CACNA1C: variants seen among roughly 807,000 people sequenced by gnomAD.
The protein encoded by CACNA1C is calcium voltage-gated channel subunit alpha1 C.
A neutral mutation model predicts 229.0 loss-of-function variants in CACNA1C; 30 were observed. That is an observed-to-expected ratio of 0.13 (90% CI 0.10 to 0.18). CACNA1C has a LOEUF of 0.18. CACNA1C is among the 10% of genes least tolerant of loss of function. CACNA1C has a pLI of 1.00. For missense variants in CACNA1C, 1,658 were observed against 2,845.0 expected (o/e 0.58, Z 9.49); for synonymous variants, 1,114 against 1,132.5 (o/e 0.98, Z 0.33).
At chr12:2,303,311 A>G (rs1256597649) in intron 3 of CACNA1C, among the ~76,000 whole-genome samples, 1 of 152,160 alleles carries the variant, frequency 6.6e-6, no homozygotes. Flanking sequence ...GAGATCTGAG[A>G]TCAAGGTGGT....
intron 3 of CACNA1C, among the ~76,000 whole-genome samples, chr12:2,213,014 C>A (rs1398236545): frequency 6.6e-6 from 1 of 152,268 alleles, no homozygotes; most frequent in East Asian, 1.9e-4. Flanking sequence ...GCTCCTCTGG[C>A]GGTAGCATGC....
At chr12:2,664,780 A>T (rs1352334608) in intron 34 of CACNA1C, 45 bp from the exon 35 acceptor site, 1 of 1,496,390 alleles carries the variant, frequency 6.7e-7, no homozygotes, top group Non-Finnish European at 9.0e-7. Flanking sequence ...CCTCCTTGGC[A>T]TCTGTAGGAT....
At chr12:2,268,528 G>A (rs1261062750) in intron 3 of CACNA1C, among the ~76,000 whole-genome samples, 2 of 152,150 alleles carry the variant, frequency 1.3e-5, no homozygotes, top group African/African-American at 4.8e-5. Flanking sequence ...GGGGAGTGTT[G>A]GCTGGAGTGG....
intron 3 of CACNA1C, among the ~76,000 whole-genome samples, chr12:2,424,393 C>G (rs943713445): frequency 6.6e-6 from 1 of 152,118 alleles, no homozygotes; most frequent in African/African-American, 2.4e-5. Context: ...GTGAGAGAAA[C>G]CACAGCAGAT....
intron 1 of CACNA1C, among the ~76,000 whole-genome samples, chr12:2,083,959 TCA>T (rs1201943478): frequency 6.6e-6 from 1 of 152,238 alleles, no homozygotes; most frequent in African/African-American, 2.4e-5. Flanking sequence ...CCTCTGGCTT[TCA>T]CAGAGTTAGA....
At chr12:2,502,612 A>G (rs2099763162) in intron 7 of CACNA1C, among the ~76,000 whole-genome samples, 1 of 152,224 alleles carries the variant, frequency 6.6e-6, no homozygotes, top group Admixed American at 6.5e-5. Context: ...GAATTTTCCT[A>G]ACCAAAATTT....
At chr12:2,414,193 T>TC (rs2098839918) in intron 3 of CACNA1C, among the ~76,000 whole-genome samples, 2 of 152,330 alleles carry the variant, frequency 1.3e-5, no homozygotes, top group Non-Finnish European at 2.9e-5. Flanking sequence ...GTTCCAAGTG[T>TC]CACTTGATTT....
chr12:2,577,892 G>T (rs1390166008), intron 13 of CACNA1C, among the ~76,000 whole-genome samples: 2 of 149,652 alleles, frequency 1.3e-5, no homozygotes, highest in African/African-American at 2.5e-5. Context: ...TTTTTGAGAC[G>T]GAGTCTCGCT....
chr12:2,566,804 C>T lies in CACNA1C; in HGVS notation c.1669+222C>T, dbSNP rs530232233. Among the ~76,000 whole-genome samples the T allele has an allele frequency of 8.5e-5, 13 of 152,308 alleles. No homozygotes were observed. In the South Asian group the frequency reaches 1.9e-3, roughly 22 times the overall value. ...CAGACACGGCTCTCCTGACTGGGCC[C>T]ACACCATCAGCCTGCCCCAAAGTCA... On this transcript the variant is annotated intron_variant, in intron 12 of 46. Transcript: ENST00000399655. The surrounding 1 kb of genome is among the most constrained non-coding windows in gnomAD (Gnocchi z 4.0).
chr12:2,523,193 T>TA (rs397814925), intron 9 of CACNA1C, among the ~76,000 whole-genome samples: 6 of 151,968 alleles, frequency 3.9e-5, no homozygotes, highest in Admixed American at 3.9e-4. Flanking sequence ...GATTTTTTTT[T>TA]AAGTTGAACT....
intron 1 of CACNA1C, among the ~76,000 whole-genome samples, chr12:2,021,103 C>CA (rs2046367435): frequency 2.0e-5 from 3 of 152,202 alleles, no homozygotes. Flanking sequence ...CACTAATTAT[C>CA]ACTCAGTACA....
intron 3 of CACNA1C, among the ~76,000 whole-genome samples, chr12:2,241,183 C>T (rs2069958588): frequency 6.6e-6 from 1 of 152,070 alleles, no homozygotes. Flanking sequence ...ATGGAGAAGA[C>T]CAGCATTGAC....
At position 2,691,064 on chromosome 12, in the gene CACNA1C, C is replaced by G. The variant is rs1337662531; in HGVS notation, c.6282C>G (p.Leu2094=). 2.3e-5 allele frequency: 37 copies of G among 1,609,308 alleles called. No individual in the cohort carries two copies. The highest frequency in any genetic ancestry group is 3.1e-5 in the Non-Finnish European group (37 of 1,178,130). ...GGAPQSPNGA[L]LPFVNCRDAG... is the part of the protein sequence containing the mutation. ...CCCCACAGAGCCCCAATGGCGCCCT[C>G]TTACCCTTTGTGAACTGCAGGGACG... Residue 2094 remains leucine, a synonymous_variant, in exon 47 of 47, where the codon CTC becomes CTG. Coordinates refer to ENST00000399655, the MANE Select transcript of CACNA1C (RefSeq NM_000719.7).
At chr12:2,509,141 G>A (rs1342321147) in intron 8 of CACNA1C, among the ~76,000 whole-genome samples, 2 of 152,168 alleles carry the variant, frequency 1.3e-5, no homozygotes, top group African/African-American at 4.8e-5. Flanking sequence ...GGCATGTCTT[G>A]TCCCCAAAAA....
In CACNA1C at chr12:2,665,687, C is replaced by T; in HGVS notation, c.4505C>T (p.Ala1502Val). The stretch of plus-strand genomic sequence containing the variant: ...CTGGATGAGTTTAAAAGAATCTGGG[C>T]AGAGTATGACCCTGAAGCCAAGTAA... ...HHLDEFKRIW[A>V]EYDPEAKGRI... Residue 1502 changes from alanine (A) to valine (V), a missense_variant, in exon 36 of 47, where the codon GCA (alanine) becomes GTA (valine). By Grantham distance (64) the Ala-to-Val change is moderately conservative (BLOSUM62 0). This residue lies in a region of CACNA1C where 151 missense variants were observed against 344.4 expected (regional missense o/e 0.44). Transcript: ENST00000399655. The surrounding 1 kb of genome is among the most constrained non-coding windows in gnomAD (Gnocchi z 5.9). 2 of 1,613,384 alleles carry T rather than the reference C, an allele frequency of 1.2e-6. No homozygotes were observed. The highest frequency in any genetic ancestry group is 1.7e-6 in the Non-Finnish European group (2 of 1,179,538).
At chr12:2,579,151 T>A (rs1309988521) in intron 13 of CACNA1C, among the ~76,000 whole-genome samples, 1 of 152,134 alleles carries the variant, frequency 6.6e-6, no homozygotes, top group Non-Finnish European at 1.5e-5. Flanking sequence ...CAGGCTCCCG[T>A]TGGTCCCCAT....
intron 3 of CACNA1C, among the ~76,000 whole-genome samples, chr12:2,385,853 GA>G (rs2098375977): frequency 1.3e-5 from 2 of 152,322 alleles, no homozygotes; most frequent in African/African-American, 2.4e-5. Flanking sequence ...TGACTCCATA[GA>G]GTGGGCCTGG....
At chr12:2,126,042 CCCTTT>C (rs2089893647) in intron 3 of CACNA1C, among the ~76,000 whole-genome samples, 1 of 152,254 alleles carries the variant, frequency 6.6e-6, no homozygotes, top group African/African-American at 2.4e-5. Flanking sequence ...CTGTCGCAGG[CCCTTT>C]CCTTTCTCCC....
At chr12:2,276,120 C>T (rs1195792979) in intron 3 of CACNA1C, among the ~76,000 whole-genome samples, 1 of 151,786 alleles carries the variant, frequency 6.6e-6, no homozygotes, top group East Asian at 1.9e-4. Context: ...CTGGTTGGAT[C>T]CGCGGGTACA....
Sources: allele counts gnomAD v4.1 joint callset (sites outside exome capture counted in the v4.1 genomes callset), GRCh38; gene constraint gnomAD v4.1.1; regional missense constraint gnomAD v4.1.1; non-coding constraint Gnocchi (gnomAD v3.1); transcripts MANE v1.5; gene names NCBI Gene and HGNC (gene_info 2026-07-23, HGNC 2026-07-21).